TENM4: variants seen among roughly 807,000 people sequenced by gnomAD.
The protein encoded by TENM4 is teneurin transmembrane protein 4.
In TENM4, 82 loss-of-function variants were observed where a neutral mutation model predicts 243.3. That is an observed-to-expected ratio of 0.34 (90% CI 0.28 to 0.40). The LOEUF is 0.40. Ranked by LOEUF, TENM4 falls within the 10% of genes least tolerant of loss-of-function variation. The pLI, the probability that TENM4 is intolerant of heterozygous loss-of-function variation, is 1.00. For missense variants in TENM4, 3,138 were observed against 3,673.3 expected (o/e 0.85, Z 3.77); for synonymous variants, 1,412 against 1,456.3 (o/e 0.97, Z 0.69).
intron 1 of TENM4, among the ~76,000 whole-genome samples, chr11:79,386,475 G>A (rs1239422979): frequency 1.3e-5 from 2 of 151,656 alleles, no homozygotes; most frequent in Non-Finnish European, 2.9e-5. Flanking sequence ...TAATAAAAAG[G>A]CCACAGAATG....
intron 1 of TENM4, among the ~76,000 whole-genome samples, chr11:79,412,859 G>A (rs1001771809): frequency 9.2e-5 from 14 of 152,068 alleles, no homozygotes; most frequent in Non-Finnish European, 1.8e-4. Context: ...TATTCCATGA[G>A]CATCTTCTTT....
rs12804731 is a variant in TENM4 at position 79,162,678 on chromosome 11, C to A, written c.-162-13872G>T. 2.5e-3 allele frequency among the ~76,000 whole-genome samples: 387 copies of A among 152,244 alleles called. 1 individual carries two copies. The highest frequency in any genetic ancestry group is 4.4e-3 in the Non-Finnish European group (302 of 68,020). On this transcript the variant is annotated intron_variant, in intron 3 of 33. Coordinates refer to ENST00000278550, the MANE Select transcript of TENM4 (RefSeq NM_001098816.3). ...GCAAGCTCTGGACAGCCTTCGAGTC[C>A]TCCTCCACATTCCCTGGCTGCCCAG... is the stretch of plus-strand genomic sequence containing the variant.
intron 18 of TENM4, among the ~76,000 whole-genome samples, chr11:78,762,091 C>T (rs955271060): frequency 2.0e-5 from 3 of 152,180 alleles, no homozygotes; most frequent in African/African-American, 4.8e-5. Context: ...CCTAGTTGGC[C>T]ATTTTGCTGA....
intron 6 of TENM4, among the ~76,000 whole-genome samples, chr11:79,016,308 C>T (rs185815200): frequency 3.3e-5 from 5 of 152,092 alleles, no homozygotes; most frequent in African/African-American, 1.2e-4. Context: ...ACCTGGGAGA[C>T]ATTTTTGGAG....
intron 6 of TENM4, among the ~76,000 whole-genome samples, chr11:79,017,294 G>C (rs1347385183): frequency 6.6e-6 from 1 of 152,144 alleles, no homozygotes; most frequent in African/African-American, 2.4e-5. Flanking sequence ...GGAGGAAGTG[G>C]GGTAGGTGGG....
intron 22 of TENM4, among the ~76,000 whole-genome samples, chr11:78,728,379 T>A (rs661584): frequency 0.33 from 50,801 of 152,008 alleles, 11,341 homozygotes; most frequent in African/African-American, 0.64. Context: ...ATTAATGGAG[T>A]GACTAATGTA....
intron 2 of TENM4, among the ~76,000 whole-genome samples, chr11:79,281,492 AG>A (rs968459941): frequency 4.6e-5 from 7 of 152,218 alleles, no homozygotes; most frequent in Non-Finnish European, 4.4e-5. Flanking sequence ...GTAGGCATCA[AG>A]GTCCTTATTT....
intron 4 of TENM4, among the ~76,000 whole-genome samples, chr11:79,139,478 TATAAAATATATATTATATTTCTAG>T (rs1862217179): frequency 6.5e-5 from 2 of 30,804 alleles, no homozygotes; most frequent in Non-Finnish European, 1.7e-4. Flanking sequence ...TCTAGAAATA[TATAAAATATATATTATATTTCTAG>T]AAATATATAA....
intron 1 of TENM4, among the ~76,000 whole-genome samples, chr11:79,329,626 C>T (rs771293449): frequency 1.3e-5 from 2 of 152,162 alleles, no homozygotes; most frequent in Non-Finnish European, 2.9e-5. Context: ...AAGAAGCCAG[C>T]CATGCAAAGA....
intron 4 of TENM4, among the ~76,000 whole-genome samples, chr11:79,083,995 A>C: frequency 6.6e-6 from 1 of 152,344 alleles, no homozygotes; most frequent in East Asian, 1.9e-4. Flanking sequence ...ACACATATAT[A>C]TATGAAACTT....
chr11:78,658,268 G>A lies in TENM4; in HGVS notation c.8100C>T (p.Arg2700=). 6.2e-7 allele frequency: 1 copy of A among 1,613,368 alleles called. No individual in the cohort carries two copies. The highest frequency in any genetic ancestry group is 1.7e-5 in the Admixed American group (1 of 59,980). ...VLELARQRAV[R]QAWAREQQRL... The stretch of plus-strand genomic sequence containing the variant: ...TCTGCTGCTCGCGGGCCCACGCTTG[G>A]CGCACGGCTCTCTGCCGGGCCAGCT... The change falls in exon 34 of 34, where the codon CGC becomes CGT. Residue 2700 remains arginine (R), a synonymous_variant. Coordinates refer to ENST00000278550, the MANE Select transcript of TENM4 (RefSeq NM_001098816.3).
chr11:79,230,296 C>T (rs184450507), intron 2 of TENM4, among the ~76,000 whole-genome samples: 21 of 152,300 alleles, frequency 1.4e-4, no homozygotes, highest in African/African-American at 4.3e-4. Context: ...AAGAGACATA[C>T]GGTGTATTAT....
rs200922795 is a variant in TENM4 at position 79,213,992 on chromosome 11, TA to T, written c.-163+1815del. ...CTGTCCTTCTAAAGAAAGCAAAAAA[TA>T]AATTTTTTTTTTTTTTGAGGTGGAG... On this transcript the variant is annotated intron_variant, in intron 3 of 33. Transcript: ENST00000278550. 5.3e-5 allele frequency among the ~76,000 whole-genome samples: 7 copies of T among 130,984 alleles called. No homozygotes were observed. In the South Asian group the frequency reaches 7.4e-4, roughly 14 times the overall value. 85.9% of individuals were successfully genotyped at this position (130,984 alleles called of 152,430 possible).
chr11:79,205,492 A>G (rs1225064541), intron 3 of TENM4, among the ~76,000 whole-genome samples: 2 of 152,182 alleles, frequency 1.3e-5, no homozygotes, highest in African/African-American at 4.8e-5. Context: ...CCCCCAGCCC[A>G]GGTCCTCAAC....
At chr11:79,054,313 C>T (rs1859883816) in intron 6 of TENM4, among the ~76,000 whole-genome samples, 1 of 152,128 alleles carries the variant, frequency 6.6e-6, no homozygotes, top group South Asian at 2.1e-4. Context: ...CGGAGTCAAT[C>T]TTCTTTCAGC....
At chr11:79,108,190 C>G (rs12286118) in intron 4 of TENM4, among the ~76,000 whole-genome samples, 3,430 of 152,268 alleles carry the variant, frequency 0.023, 63 homozygotes, top group Middle Eastern at 0.037. Context: ...CAATGCAACT[C>G]TAGGTGTTGC....
At position 78,805,483 on chromosome 11, in the gene TENM4, A is replaced by G. The variant is rs1163002370; in HGVS notation, c.1988T>C (p.Met663Thr). The change falls in exon 15 of 34, where the codon ATG (methionine) becomes ACG (threonine). Residue 663 changes from methionine to threonine, a missense_variant. By Grantham distance (81) the Met-to-Thr change is moderately conservative. Coordinates refer to ENST00000278550, the MANE Select transcript of TENM4 (RefSeq NM_001098816.3). ...KGESCEEVDC[M>T]DPTCSGRGVC... ...ACCCCGGCCTGAACATGTGGGGTCC[A>G]TGCAGTCCACTGTGAGATGGAGGAA... 1 of 1,579,000 alleles carries G rather than the reference A, an allele frequency of 6.3e-7. No individual in the cohort carries two copies. The highest frequency in any genetic ancestry group is 2.3e-5 in the East Asian group (1 of 42,986).
chr11:79,420,504 G>C (rs562098715), intron 1 of TENM4, among the ~76,000 whole-genome samples: 37 of 152,260 alleles, frequency 2.4e-4, no homozygotes, highest in African/African-American at 8.9e-4. Flanking sequence ...AAATGGTTTT[G>C]CTTTAGAAAA....
At chr11:79,184,147 C>T (rs555213944) in intron 3 of TENM4, among the ~76,000 whole-genome samples, 1 of 152,268 alleles carries the variant, frequency 6.6e-6, no homozygotes, top group African/African-American at 2.4e-5. Context: ...TCTATGCATA[C>T]AATGTAATAT....
Sources: gnomAD v4.1 joint callset for allele counts (sites outside exome capture counted in the v4.1 genomes callset) on GRCh38, gnomAD v4.1.1 for gene constraint, MANE v1.5 for transcripts, NCBI Gene and HGNC (gene_info 2026-07-23, HGNC 2026-07-21) for gene names.